GRIA4: variants seen among roughly 807,000 people sequenced by gnomAD.
GRIA4 encodes glutamate receptor 4.
Under a neutral mutation model 104.0 loss-of-function variants are expected in GRIA4, and 34 were observed. That is an observed-to-expected ratio of 0.33 (90% CI 0.25 to 0.44). The LOEUF (loss-of-function observed/expected upper bound fraction) is 0.44, where lower values mean the gene tolerates loss of function less well. GRIA4 is among the 20% of genes least tolerant of loss of function. The pLI is 1.00. For synonymous variants in GRIA4, 386 were observed against 381.9 expected (o/e 1.01, Z -0.13); for missense variants, 750 against 1,096.5 (o/e 0.68, Z 4.46).
In GRIA4 at chr11:105,862,004, A is replaced by AT. The variant is rs529029545; in HGVS notation, c.488-20_488-19insT. ...GGGGAGTAAAAGCATGTTTTTAGTA[A>AT]CTTTTTTTTTCCCCAATAGGATACT... On this transcript the variant is annotated intron_variant, in intron 4 of 16. Coordinates refer to ENST00000282499, the MANE Select transcript of GRIA4 (RefSeq NM_000829.4). The AT allele has an allele frequency of 2.0e-4, 300 of 1,522,368 alleles. No individual in the cohort carries two copies. The African/African-American group carries it at 2.1e-3, about 10-fold the overall frequency. 94.3% of individuals were successfully genotyped at this position (1,522,368 alleles called of 1,614,324 possible).
intron 3 of GRIA4, among the ~76,000 whole-genome samples, chr11:105,681,104 T>A (rs1165939556): frequency 6.6e-6 from 1 of 152,172 alleles, no homozygotes; most frequent in African/African-American, 2.4e-5. Context: ...CTGAATTACT[T>A]AAAATCATGG....
chr11:105,851,272 T>C (rs892241262), intron 4 of GRIA4, among the ~76,000 whole-genome samples: 3 of 152,068 alleles, frequency 2.0e-5, no homozygotes, highest in African/African-American at 7.2e-5. Flanking sequence ...TTCTTTCCTT[T>C]GTGTGAAAAA....
chr11:105,885,174 C>T (rs752140548), intron 5 of GRIA4, among the ~76,000 whole-genome samples: 4 of 152,158 alleles, frequency 2.6e-5, no homozygotes, highest in Admixed American at 1.3e-4. Context: ...ATCAAGCATC[C>T]TCCTGATAAT....
intron 4 of GRIA4, among the ~76,000 whole-genome samples, chr11:105,788,010 G>T (rs1250321446): frequency 6.6e-6 from 1 of 152,052 alleles, no homozygotes; most frequent in Non-Finnish European, 1.5e-5. Context: ...AGATAGAAAG[G>T]CATGTGGATT....
In GRIA4 at chr11:105,979,600, A is replaced by G. The variant is rs1859173041; in HGVS notation, c.2570A>G (p.Asn857Ser). 6.2e-7 allele frequency: 1 copy of G among 1,614,110 alleles called. No individual in the cohort carries two copies. The highest frequency in any genetic ancestry group is 1.3e-5 in the African/African-American group (1 of 74,946). ...MKLTFSEAIR[N>S]KARLSITGSV... Reference sequence around the variant, plus strand: ...CTGACCTTTTCTGAAGCCATAAGAAACAAAGCCAGATTATCCATCACTGGG... The same window carrying G: ...CTGACCTTTTCTGAAGCCATAAGAAGCAAAGCCAGATTATCCATCACTGGG... Residue 857 changes from asparagine (N) to serine (S), a missense_variant, in exon 17 of 17, where the codon AAC (asparagine) becomes AGC (serine). Asn to Ser is a conservative substitution (Grantham distance 46, BLOSUM62 1). Transcript: ENST00000282499.
intron 3 of GRIA4, among the ~76,000 whole-genome samples, chr11:105,748,321 G>A (rs1474086223): frequency 6.6e-6 from 1 of 152,060 alleles, no homozygotes; most frequent in Non-Finnish European, 1.5e-5. Context: ...TGAGTAAAAA[G>A]GTTGTCTATC....
At chr11:105,837,767 TTTA>T (rs1299109945) in intron 4 of GRIA4, among the ~76,000 whole-genome samples, 1 of 152,164 alleles carries the variant, frequency 6.6e-6, no homozygotes, top group Non-Finnish European at 1.5e-5. Flanking sequence ...TATTATTATA[TTTA>T]TTGTTTTTAT....
At chr11:105,656,118 G>A (rs1461352844) in intron 3 of GRIA4, among the ~76,000 whole-genome samples, 1 of 152,114 alleles carries the variant, frequency 6.6e-6, no homozygotes, top group East Asian at 1.9e-4. Context: ...TTGGTTGGTG[G>A]CATAAATGTC....
chr11:105,716,475 A>T (rs1954092324), intron 3 of GRIA4, among the ~76,000 whole-genome samples: 1 of 152,174 alleles, frequency 6.6e-6, no homozygotes, highest in African/African-American at 2.4e-5. Context: ...TTAGTTTCCT[A>T]AAATAAAATG....
intron 14 of GRIA4, among the ~76,000 whole-genome samples, chr11:105,968,485 T>C (rs1310331951): frequency 6.6e-6 from 1 of 152,200 alleles, no homozygotes; most frequent in African/African-American, 2.4e-5. Context: ...CCCACTCACC[T>C]GACAGCCACT....
intron 3 of GRIA4, among the ~76,000 whole-genome samples, chr11:105,669,140 T>C (rs7929601): frequency 0.97 from 147,812 of 152,010 alleles, 71,966 homozygotes; most frequent in Non-Finnish European, 1. Context: ...CTACCACGAC[T>C]GTCTCAATTT....
At chr11:105,647,635 C>T (rs894096098) in intron 3 of GRIA4, among the ~76,000 whole-genome samples, 4 of 152,122 alleles carry the variant, frequency 2.6e-5, no homozygotes, top group Non-Finnish European at 5.9e-5. Flanking sequence ...GAGATCATGT[C>T]CTTTGCAAGG....
intron 14 of GRIA4, among the ~76,000 whole-genome samples, chr11:105,961,608 T>A (rs575721154): frequency 3.4e-4 from 52 of 152,310 alleles, no homozygotes; most frequent in Non-Finnish European, 5.3e-4. Flanking sequence ...AATATTTGCG[T>A]TACACTTACC....
At chr11:105,914,109 T>A (rs528007253) in intron 10 of GRIA4, among the ~76,000 whole-genome samples, 1 of 151,946 alleles carries the variant, frequency 6.6e-6, no homozygotes, top group East Asian at 1.9e-4. Flanking sequence ...TGTATTTTCT[T>A]CCTTATACAA....
chr11:105,888,383 A>G (rs1946350002), intron 6 of GRIA4, among the ~76,000 whole-genome samples: 2 of 133,194 alleles, frequency 1.5e-5, no homozygotes, highest in Admixed American at 1.8e-4. Context: ...TCCCGGGTTC[A>G]CGCCATTCTC....
intron 3 of GRIA4, among the ~76,000 whole-genome samples, chr11:105,712,599 T>C (rs1953949392): frequency 6.6e-6 from 1 of 152,090 alleles, no homozygotes; most frequent in South Asian, 2.1e-4. Context: ...GCCTATCCTA[T>C]TTTTTGTGCA....
intron 4 of GRIA4, among the ~76,000 whole-genome samples, chr11:105,760,917 T>C (rs184670757): frequency 5.5e-4 from 83 of 152,272 alleles, no homozygotes; most frequent in Non-Finnish European, 1.1e-3. Context: ...AGAATATTTA[T>C]TTCTGATTTT....
intron 3 of GRIA4, among the ~76,000 whole-genome samples, chr11:105,643,120 G>A (rs1951418954): frequency 6.6e-6 from 1 of 152,098 alleles, no homozygotes; most frequent in South Asian, 2.1e-4. Flanking sequence ...CAACTACTGA[G>A]TCCCTCCCAT....
chr11:105,678,491 G>A (rs1387228337), intron 3 of GRIA4, among the ~76,000 whole-genome samples: 33 of 151,988 alleles, frequency 2.2e-4, no homozygotes, highest in Admixed American at 6.6e-5. Context: ...CTATTCATAA[G>A]TGTTACCTCA....
Sources: gnomAD v4.1 joint callset for allele counts (sites outside exome capture counted in the v4.1 genomes callset) on GRCh38, gnomAD v4.1.1 for gene constraint, MANE v1.5 for transcripts, NCBI Gene and HGNC (gene_info 2026-07-23, HGNC 2026-07-21) for gene names.